ARHGAP20: variants seen among roughly 807,000 people sequenced by gnomAD.
ARHGAP20 encodes Rho GTPase activating protein 20.
ARHGAP20 carries 34 observed loss-of-function variants against 73.7 expected under a neutral mutation model. The observed-to-expected ratio is 0.46, with a 90% CI of 0.35 to 0.61. ARHGAP20 has a LOEUF of 0.61. ARHGAP20 is among the 20% of genes least tolerant of loss of function. The pLI is 0.00. For synonymous variants in ARHGAP20, 523 were observed against 518.2 expected (o/e 1.01, Z -0.13); for missense variants, 1,314 against 1,420.9 (o/e 0.92, Z 1.21).
At chr11:110,609,787 T>C (rs1391323801) in intron 7 of ARHGAP20, among the ~76,000 whole-genome samples, 1 of 152,112 alleles carries the variant, frequency 6.6e-6, no homozygotes, top group African/African-American at 2.4e-5. Context: ...TAACTTCTAA[T>C]AAAAAATCAT....
At chr11:110,631,053 A>C (rs1948851040) in intron 2 of ARHGAP20, among the ~76,000 whole-genome samples, 2 of 152,208 alleles carry the variant, frequency 1.3e-5, no homozygotes, top group Non-Finnish European at 2.9e-5. Context: ...GCTTTACCAA[A>C]TACCTATCCA....
chr11:110,711,714 C>T, intron 1 of ARHGAP20: 1 of 1,415,770 alleles, frequency 7.1e-7, no homozygotes, highest in Non-Finnish European at 9.2e-7. Flanking sequence ...GACTTTGGGG[C>T]TGACACCGCC....
intron 9 of ARHGAP20, among the ~76,000 whole-genome samples, chr11:110,594,882 C>G (rs868792274): frequency 6.6e-6 from 1 of 151,878 alleles, no homozygotes; most frequent in African/African-American, 2.4e-5. Context: ...AACATTGATG[C>G]AAAAATCCTC....
At chr11:110,647,828 A>AT (rs1281798507) in intron 2 of ARHGAP20, among the ~76,000 whole-genome samples, 1 of 152,044 alleles carries the variant, frequency 6.6e-6, no homozygotes, top group Admixed American at 6.6e-5. Flanking sequence ...TAACTAGAAT[A>AT]GGCATTCTCT....
chr11:110,713,173 G>A (rs1950708341), upstream of ARHGAP20: 1 of 152,264 alleles, frequency 6.6e-6, no homozygotes, highest in Non-Finnish European at 1.5e-5. Flanking sequence ...ATTTGGCTAA[G>A]CTATTGAGAA....
intron 2 of ARHGAP20, among the ~76,000 whole-genome samples, chr11:110,664,149 C>A (rs1347039181): frequency 6.6e-6 from 1 of 152,174 alleles, no homozygotes; most frequent in African/African-American, 2.4e-5. Flanking sequence ...AGAACCACTT[C>A]TCTTCAACAT....
intron 12 of ARHGAP20, among the ~76,000 whole-genome samples, chr11:110,585,366 G>A (rs1001294030): frequency 4.0e-5 from 6 of 151,354 alleles, no homozygotes; most frequent in Non-Finnish European, 8.9e-5. Flanking sequence ...AATGGTTTAC[G>A]CCAAACTATA....
intron 2 of ARHGAP20, among the ~76,000 whole-genome samples, chr11:110,658,045 C>A (rs552907428): frequency 3.0e-4 from 46 of 152,234 alleles, no homozygotes; most frequent in African/African-American, 1.0e-3. Context: ...AAGAGTCAGA[C>A]AGACCTGAGT....
chr11:110,650,997 C>T (rs1175924084), intron 2 of ARHGAP20, among the ~76,000 whole-genome samples: 5 of 152,110 alleles, frequency 3.3e-5, no homozygotes, highest in South Asian at 2.1e-4. Context: ...GGAAGTAAAA[C>T]GCTCCTCAGC....
intron 14 of ARHGAP20, among the ~76,000 whole-genome samples, chr11:110,581,491 A>T (rs1399071261): frequency 6.6e-6 from 1 of 152,220 alleles, no homozygotes; most frequent in African/African-American, 2.4e-5. Flanking sequence ...AGAAATGGTA[A>T]AAAATATGAA....
At chr11:110,628,626 C>G (rs1030292548) in intron 3 of ARHGAP20, among the ~76,000 whole-genome samples, 1 of 152,034 alleles carries the variant, frequency 6.6e-6, no homozygotes, top group Non-Finnish European at 1.5e-5. Flanking sequence ...TAAATATTCC[C>G]AATGGGTATA....
At chr11:110,588,735 A>G (rs900565044) in intron 11 of ARHGAP20, among the ~76,000 whole-genome samples, 14 of 152,340 alleles carry the variant, frequency 9.2e-5, no homozygotes, top group Admixed American at 7.2e-4. Flanking sequence ...CAAAATTTTA[A>G]GAAGTGTAAT....
chr11:110,591,455 G>C (rs903909346), intron 10 of ARHGAP20, among the ~76,000 whole-genome samples: 1 of 152,178 alleles, frequency 6.6e-6, no homozygotes, highest in Non-Finnish European at 1.5e-5. Context: ...AAGGATACTA[G>C]AGACTCAATA....
intron 1 of ARHGAP20, among the ~76,000 whole-genome samples, chr11:110,707,864 T>C (rs558100908): frequency 1.3e-5 from 1 of 78,050 alleles, no homozygotes; most frequent in African/African-American, 5.8e-5. Context: ...CATTTTTTTG[T>C]TTTTTTTTTT....
chr11:110,701,596 AT>A (rs1293370274), intron 1 of ARHGAP20, among the ~76,000 whole-genome samples: 1 of 151,616 alleles, frequency 6.6e-6, no homozygotes, highest in Admixed American at 6.6e-5. Context: ...ATTAAATCCC[AT>A]TTGTCAATTT....
chr11:110,582,209 A>T (rs1361424333), intron 14 of ARHGAP20, 112 bp downstream of exon 14: 2 of 866,408 alleles, frequency 2.3e-6, no homozygotes, highest in Non-Finnish European at 3.8e-6. Context: ...CCTGGATCAG[A>T]GGCTCCTTTC....
At chr11:110,696,583 T>TCATGTG (rs536213035) in intron 1 of ARHGAP20, among the ~76,000 whole-genome samples, 2,558 of 151,574 alleles carry the variant, frequency 0.017, 49 homozygotes, top group African/African-American at 0.046. Context: ...AATTCTAGAT[T>TCATGTG]CATGTGCATG....
At chr11:110,630,496 T>G in intron 3 of ARHGAP20, 132 bp downstream of exon 3, 1 of 970,572 alleles carries the variant, frequency 1.0e-6, no homozygotes, top group Non-Finnish European at 1.5e-6. Flanking sequence ...ATGAAGGGCA[T>G]AAAATCACTT....
intron 12 of ARHGAP20, 45 bp downstream of exon 12, chr11:110,586,171 T>C (rs1947659648): frequency 9.8e-7 from 1 of 1,020,570 alleles, no homozygotes; most frequent in Non-Finnish European, 1.4e-6. Context: ...TCTTATAAAA[T>C]ATTTTTAAAG....
Sources: allele counts gnomAD v4.1 joint callset (sites outside exome capture counted in the v4.1 genomes callset), GRCh38; gene constraint gnomAD v4.1.1; transcripts MANE v1.5; gene names NCBI Gene and HGNC (gene_info 2026-07-23, HGNC 2026-07-21).